The following PTCHD4 variants were observed in gnomAD, a reference collection of about 807,000 sequenced individuals.
PTCHD4 encodes the protein patched domain-containing protein 4.
A neutral mutation model predicts 58.1 loss-of-function variants in PTCHD4; 33 were observed. The ratio of observed to expected loss-of-function variants is 0.57; its 90% confidence interval spans 0.43 to 0.76. The LOEUF (loss-of-function observed/expected upper bound fraction) is 0.76. Among genes scored for constraint, PTCHD4 ranks in the 30% least tolerant of loss-of-function variants. The probability of loss-of-function intolerance (pLI) is 0.00; values close to 1 mark genes in which losing one functional copy is unlikely to be tolerated. For missense variants in PTCHD4, 1,058 were observed against 1,027.1 expected, an observed-to-expected ratio of 1.03 and a Z score of -0.41; for synonymous variants, 478 against 409.6, an observed-to-expected ratio of 1.17 and a Z score of -2.02.
intron 3 of PTCHD4, among the ~76,000 whole-genome samples, chr6:48,027,823 C>T (rs919974247): frequency 5.3e-5 from 8 of 152,104 alleles, no homozygotes; most frequent in African/African-American, 1.9e-4. Context: ...CAATTCACAA[C>T]TGTCTACTTC....
chr6:48,061,516 A>C (rs1276833730), intron 3 of PTCHD4, among the ~76,000 whole-genome samples: 4 of 152,172 alleles, frequency 2.6e-5, no homozygotes, highest in Non-Finnish European at 5.9e-5. Context: ...GTCAACCTTG[A>C]GTTTTAGATC....
intron 4 of PTCHD4, among the ~76,000 whole-genome samples, chr6:47,915,580 T>G (rs1017714763): frequency 2.0e-5 from 3 of 151,816 alleles, no homozygotes; most frequent in African/African-American, 7.2e-5. Context: ...GATTTTTTTT[T>G]TTTTTTGCAT....
At chr6:47,890,721 G>T (rs1394085393) in intron 4 of PTCHD4, among the ~76,000 whole-genome samples, 1 of 152,108 alleles carries the variant, frequency 6.6e-6, no homozygotes, top group South Asian at 2.1e-4. Flanking sequence ...TGTAAGGGGG[G>T]GGATTCCCGG....
intron 1 of PTCHD4, among the ~76,000 whole-genome samples, chr6:48,077,925 T>A (rs1005360630): frequency 9.9e-5 from 15 of 152,060 alleles, no homozygotes; most frequent in African/African-American, 3.6e-4. Context: ...AGATATAATA[T>A]TAATTTAAAA....
chr6:48,099,020 C>T (rs1200496964), intron 1 of PTCHD4, among the ~76,000 whole-genome samples: 2 of 152,104 alleles, frequency 1.3e-5, no homozygotes, highest in African/African-American at 4.8e-5. Flanking sequence ...TAATTTGTTT[C>T]ATATTAAATA....
intron 4 of PTCHD4, among the ~76,000 whole-genome samples, chr6:47,965,487 A>G (rs1767250827): frequency 6.6e-6 from 1 of 152,242 alleles, no homozygotes; most frequent in African/African-American, 2.4e-5. Context: ...TTGTTTTAAT[A>G]GGAGTTTAAT....
At chr6:48,005,003 T>C (rs1762381465) in intron 4 of PTCHD4, among the ~76,000 whole-genome samples, 1 of 152,226 alleles carries the variant, frequency 6.6e-6, no homozygotes, top group African/African-American at 2.4e-5. Context: ...AATCTTTTTT[T>C]CTAAACCCCA....
chr6:48,102,227 T>C (rs1009850795), intron 1 of PTCHD4, among the ~76,000 whole-genome samples: 3 of 152,180 alleles, frequency 2.0e-5, no homozygotes, highest in African/African-American at 7.2e-5. Flanking sequence ...TCAGCAAAGT[T>C]CAATCCAGAG....
At position 48,009,132 on chromosome 6, in the gene PTCHD4, A is replaced by C. The variant is rs774013104; in HGVS notation, c.418-18T>G. 6.3e-7 allele frequency: 1 copy of C among 1,582,272 alleles called. No homozygotes were observed. Among genetic ancestry groups the C allele is most frequent in the Non-Finnish European group, 8.6e-7 (1 of 1,164,932 alleles). On this transcript the variant is annotated intron_variant, in intron 3 of 4. Coordinates refer to ENST00000339488, the MANE Select transcript of PTCHD4 (RefSeq NM_001384253.1). ...CTCCCATCCTTGAAAACAGAAAAAG[A>C]AGAGACTTCAGTTACGGATGTATAT...
chr6:48,096,580 C>A (rs1765474311), intron 1 of PTCHD4, among the ~76,000 whole-genome samples: 1 of 150,308 alleles, frequency 6.7e-6, no homozygotes, highest in East Asian at 2.0e-4. Flanking sequence ...CCACTGCACT[C>A]CAGCCTGGGC....
At chr6:47,912,721 C>A (rs568937998) in intron 4 of PTCHD4, among the ~76,000 whole-genome samples, 1 of 151,538 alleles carries the variant, frequency 6.6e-6, no homozygotes, top group Non-Finnish European at 1.5e-5. Flanking sequence ...TAAAATAAAC[C>A]CTTCATCTTG....
chr6:48,034,545 C>T (rs887368662), intron 3 of PTCHD4, among the ~76,000 whole-genome samples: 3 of 152,032 alleles, frequency 2.0e-5, no homozygotes, highest in African/African-American at 7.2e-5. Flanking sequence ...TAGAACAAGG[C>T]TGAGGGTGGA....
chr6:48,088,284 T>G (rs1765299823), intron 1 of PTCHD4, among the ~76,000 whole-genome samples: 1 of 152,210 alleles, frequency 6.6e-6, no homozygotes, highest in Non-Finnish European at 1.5e-5. Flanking sequence ...TTAATTTTTC[T>G]CTCTTAACAT....
chr6:47,898,403 G>A (rs550320689), intron 4 of PTCHD4, among the ~76,000 whole-genome samples: 17 of 152,166 alleles, frequency 1.1e-4, no homozygotes, highest in African/African-American at 3.1e-4. Flanking sequence ...TATTAGACCC[G>A]ATCCTGTGCT....
At chr6:47,884,016 C>T (rs958263737) in intron 4 of PTCHD4, among the ~76,000 whole-genome samples, 1 of 152,030 alleles carries the variant, frequency 6.6e-6, no homozygotes, top group Non-Finnish European at 1.5e-5. Flanking sequence ...AATCCCGTAA[C>T]ACAGAAAACT....
intron 4 of PTCHD4, among the ~76,000 whole-genome samples, chr6:47,981,788 C>T (rs1315892285): frequency 1.3e-5 from 2 of 152,126 alleles, no homozygotes; most frequent in Non-Finnish European, 2.9e-5. Context: ...TTTTGACATT[C>T]AGGAGGACAC....
chr6:47,962,384 A>T (rs1367409407), intron 4 of PTCHD4, among the ~76,000 whole-genome samples: 2 of 152,182 alleles, frequency 1.3e-5, no homozygotes, highest in East Asian at 3.9e-4. Flanking sequence ...ATATTTTCAA[A>T]CTATATGATA....
chr6:48,072,517 G>A (rs577867726), intron 1 of PTCHD4, among the ~76,000 whole-genome samples: 8 of 152,056 alleles, frequency 5.3e-5, no homozygotes, highest in Non-Finnish European at 1.0e-4. Flanking sequence ...TCCTATCCCA[G>A]TCCTAGAATC....
In PTCHD4 at chr6:48,009,215, C is replaced by T. The variant is rs1762583664; in HGVS notation, c.418-101G>A. On this transcript the variant is annotated intron_variant, in intron 3 of 4. Transcript: ENST00000339488. Reference sequence around the variant, plus strand: ...AGCACAAGGAAGGCAGAGATAGGTGCTAGTAATTGTGAAACTGATGTGGGT... The same window carrying T: ...AGCACAAGGAAGGCAGAGATAGGTGTTAGTAATTGTGAAACTGATGTGGGT... The T allele has an allele frequency of 3.1e-6, 4 of 1,275,198 alleles. No individual in the cohort carries two copies. In the East Asian group the frequency reaches 1.0e-4, roughly 32 times the overall value. The allele number at this position is 1,275,198 out of a possible 1,614,324, so 79.0% of individuals were successfully genotyped here.
Sources: allele counts gnomAD v4.1 joint callset (sites outside exome capture counted in the v4.1 genomes callset), GRCh38; gene constraint gnomAD v4.1.1; transcripts MANE v1.5; gene names NCBI Gene and HGNC (gene_info 2026-07-23, HGNC 2026-07-21).